The following UBN2 variants were observed in gnomAD, a reference collection of about 807,000 sequenced individuals.
The protein encoded by UBN2 is ubinuclein-2.
In UBN2, 35 loss-of-function variants were observed where a neutral mutation model predicts 120.2. The ratio of observed to expected loss-of-function variants is 0.29; its 90% confidence interval spans 0.22 to 0.39. The LOEUF is 0.39. Ranked by LOEUF, UBN2 falls within the 10% of genes least tolerant of loss-of-function variation. The pLI, the probability that UBN2 is intolerant of heterozygous loss-of-function variation, is 1.00. For synonymous variants in UBN2, 661 were observed against 648.7 expected (o/e 1.02, Z -0.29); for missense variants, 1,693 against 1,663.2 (o/e 1.02, Z -0.31).
At chr7:139,254,516 G>C (rs1796707914) in intron 3 of UBN2, among the ~76,000 whole-genome samples, 1 of 152,184 alleles carries the variant, frequency 6.6e-6, no homozygotes. Flanking sequence ...TCTTAATTCA[G>C]TTTCTAATTT....
At chr7:139,278,033 A>G (rs1002227872) in intron 12 of UBN2, among the ~76,000 whole-genome samples, 1 of 152,178 alleles carries the variant, frequency 6.6e-6, no homozygotes, top group African/African-American at 2.4e-5. Flanking sequence ...ACCACAGGCA[A>G]CTGAAACCGT....
chr7:139,282,345 G>A (rs1435488122), intron 14 of UBN2, among the ~76,000 whole-genome samples: 1 of 152,170 alleles, frequency 6.6e-6, no homozygotes, highest in African/African-American at 2.4e-5. Context: ...GGTATTCAGA[G>A]TTGTAATTCT....
intron 2 of UBN2, among the ~76,000 whole-genome samples, chr7:139,244,389 T>C (rs764974248): frequency 2.2e-4 from 34 of 152,096 alleles, no homozygotes; most frequent in Non-Finnish European, 4.9e-4. Flanking sequence ...TTTAAGAGCC[T>C]AGTGTGGTGG....
chr7:139,266,377 A>G lies in UBN2; in HGVS notation c.1440A>G (p.Thr480=). 1 of 1,574,192 alleles carries G rather than the reference A, an allele frequency of 6.4e-7. No homozygotes were observed. Among genetic ancestry groups the G allele is most frequent in the Non-Finnish European group, 8.7e-7 (1 of 1,152,316 alleles). Residue 480 remains threonine, a synonymous_variant, in exon 7 of 18, where the codon ACA becomes ACG. Transcript: ENST00000473989. ...AAGAAGGAAGGAAAAAATTCTTTAC[A>G]CAGGATATGAATAATATTCTTCTGG... is the stretch of plus-strand genomic sequence containing the variant. ...FDEEGRKKFF[T]QDMNNILLDI...
chr7:139,312,164 C>T (rs1165871161), downstream of UBN2, among the ~76,000 whole-genome samples: 2 of 152,208 alleles, frequency 1.3e-5, no homozygotes, highest in African/African-American at 2.4e-5. Flanking sequence ...TTCTCCTCTT[C>T]CTTAGTCCCC....
intron 6 of UBN2, among the ~76,000 whole-genome samples, chr7:139,263,975 A>T (rs1797015482): frequency 1.3e-5 from 2 of 152,120 alleles, no homozygotes; most frequent in Admixed American, 1.3e-4. Context: ...AAGGAAATCT[A>T]TTTTTTATTC....
intron 2 of UBN2, among the ~76,000 whole-genome samples, chr7:139,247,145 A>G (rs1796492594): frequency 6.6e-6 from 1 of 151,264 alleles, no homozygotes; most frequent in South Asian, 2.1e-4. Flanking sequence ...GCTGAGAGAG[A>G]GCTTTAAAGG....
At chr7:139,290,623 C>G (rs1797925745) in intron 15 of UBN2, among the ~76,000 whole-genome samples, 1 of 152,188 alleles carries the variant, frequency 6.6e-6, no homozygotes, top group African/African-American at 2.4e-5. Context: ...CAAGTTGGTG[C>G]TAGATATTCA....
At chr7:139,279,144 T>C (rs1297266882) in intron 12 of UBN2, among the ~76,000 whole-genome samples, 174 bp from the exon 13 acceptor site, 2 of 152,182 alleles carry the variant, frequency 1.3e-5, no homozygotes, top group Non-Finnish European at 1.5e-5. Context: ...TAATCTGAAT[T>C]GGGGAAAATG....
intron 15 of UBN2, among the ~76,000 whole-genome samples, chr7:139,288,347 G>C (rs1485334799): frequency 6.6e-6 from 1 of 152,194 alleles, no homozygotes; most frequent in Non-Finnish European, 1.5e-5. Flanking sequence ...TGTTTGATTT[G>C]AGAATTGAAT....
downstream of UBN2, among the ~76,000 whole-genome samples, chr7:139,310,340 A>G (rs530194801): frequency 1.3e-5 from 2 of 151,708 alleles, no homozygotes; most frequent in South Asian, 2.1e-4. Flanking sequence ...TTGGTAGGGG[A>G]AAAAAGTACA....
chr7:139,310,191 G>A (rs1272589573), downstream of UBN2, among the ~76,000 whole-genome samples: 1 of 151,846 alleles, frequency 6.6e-6, no homozygotes, highest in African/African-American at 2.4e-5. Flanking sequence ...TAAACTGCTT[G>A]ATTTAAAAAT....
At chr7:139,314,173 G>T in the UBN2 span, among the ~76,000 whole-genome samples, 3 of 149,578 alleles carry the variant, frequency 2.0e-5, no homozygotes, top group Non-Finnish European at 3.0e-5. Flanking sequence ...AAGTTTATTT[G>T]TGGCTGGGTG....
At chr7:139,253,416 T>G (rs1436865850) in intron 3 of UBN2, among the ~76,000 whole-genome samples, 1 of 152,224 alleles carries the variant, frequency 6.6e-6, no homozygotes, top group East Asian at 1.9e-4. Context: ...TTCCCAAACT[T>G]GGGCAGGTGT....
At chr7:139,320,376 C>T in the UBN2 span, among the ~76,000 whole-genome samples, 24 of 151,062 alleles carry the variant, frequency 1.6e-4, no homozygotes, top group African/African-American at 5.1e-4. Flanking sequence ...GCAGGAGAAT[C>T]GCTTGAACTG....
At position 139,272,415 on chromosome 7, in the gene UBN2, G is replaced by A. The variant is rs1797303565; in HGVS notation, c.1690G>A (p.Ala564Thr). The A allele has an allele frequency of 2.5e-6, 4 of 1,613,044 alleles. No homozygotes were observed. The highest frequency in any genetic ancestry group is 3.4e-6 in the Non-Finnish European group (4 of 1,179,790). ...QLFKYQEDCQ[A>T]RSQAKCAKLQ... ...ATTTAAATACCAGGAGGACTGCCAG[G>A]CTCGTAGTCAAGCTAAGTGTGCCAA... The change falls in exon 9 of 18, where the codon GCT (alanine) becomes ACT (threonine). Residue 564 changes from alanine to threonine, a missense_variant. Coordinates refer to ENST00000473989, the MANE Select transcript of UBN2 (RefSeq NM_173569.4).
At chr7:139,253,463 C>T (rs943310966) in intron 3 of UBN2, among the ~76,000 whole-genome samples, 5 of 152,178 alleles carry the variant, frequency 3.3e-5, no homozygotes, top group Admixed American at 6.6e-5. Flanking sequence ...ACCATGCAAT[C>T]TTAAAGATTG....
intron 15 of UBN2, among the ~76,000 whole-genome samples, chr7:139,285,382 T>C (rs188003451): frequency 1.2e-3 from 189 of 152,344 alleles, no homozygotes; most frequent in African/African-American, 4.4e-3. Flanking sequence ...CCTTAGCTCA[T>C]GTACACCTGA....
At chr7:139,251,498 A>G (rs1252244104) in intron 2 of UBN2, among the ~76,000 whole-genome samples, 2 of 152,144 alleles carry the variant, frequency 1.3e-5, no homozygotes, top group Non-Finnish European at 2.9e-5. Flanking sequence ...GCAGTTTTTC[A>G]CATTTTCCTT....
Sources: allele counts gnomAD v4.1 joint callset (sites outside exome capture counted in the v4.1 genomes callset), GRCh38; gene constraint gnomAD v4.1.1; transcripts MANE v1.5; gene names NCBI Gene and HGNC (gene_info 2026-07-23, HGNC 2026-07-21).